Variants in FBXL7 observed in about 807,000 individuals in gnomAD.
FBXL7 encodes the protein F-box and leucine rich repeat protein 7.
FBXL7 carries 12 observed loss-of-function variants against 38.3 expected under a neutral mutation model. The ratio of observed to expected loss-of-function variants is 0.31; its 90% CI spans 0.20 to 0.51. FBXL7 has a LOEUF of 0.51. Among genes scored for constraint, FBXL7 ranks in the 20% least tolerant of loss-of-function variants. The probability of loss-of-function intolerance (pLI) is 0.98; values close to 1 mark genes in which losing one functional copy is unlikely to be tolerated. For missense variants in FBXL7, 567 were observed against 676.4 expected (o/e 0.84, Z 1.79); for synonymous variants, 297 against 300.9 (o/e 0.99, Z 0.13).
At chr5:15,704,484 C>T (rs974110732) in intron 2 of FBXL7, among the ~76,000 whole-genome samples, 2 of 152,150 alleles carry the variant, frequency 1.3e-5, no homozygotes, top group Non-Finnish European at 2.9e-5. Context: ...TACCATTCAA[C>T]TTAGGGATTC....
rs561000026 is a variant in FBXL7 at position 15,659,958 on chromosome 5, T to C, written c.127+43886T>C. Among the ~76,000 whole-genome samples, 30 of 152,380 alleles carry C rather than the reference T, an allele frequency of 2.0e-4. No individual in the cohort carries two copies. The South Asian group carries it at 6.2e-3, about 32-fold the overall frequency. ...CAGATATTTCTTTATCGTTTACATT[T>C]GGCACTTTTACTTTTGTAAACCAAA... is the stretch of plus-strand genomic sequence containing the variant. On this transcript the variant is annotated intron_variant, in intron 2 of 3. Transcript: ENST00000504595.
At chr5:15,807,309 A>T (rs1737740307) in intron 2 of FBXL7, among the ~76,000 whole-genome samples, 1 of 152,154 alleles carries the variant, frequency 6.6e-6, no homozygotes, top group Non-Finnish European at 1.5e-5. Context: ...CTACATGGTG[A>T]AATACACCAT....
intron 2 of FBXL7, among the ~76,000 whole-genome samples, chr5:15,681,773 T>G (rs1184972968): frequency 6.6e-6 from 1 of 152,212 alleles, no homozygotes; most frequent in Non-Finnish European, 1.5e-5. Context: ...TGGTTTTGAT[T>G]TTTTGTTTAT....
chr5:15,743,510 C>T (rs1483643187), intron 2 of FBXL7, among the ~76,000 whole-genome samples: 2 of 152,208 alleles, frequency 1.3e-5, no homozygotes, highest in African/African-American at 4.8e-5. Context: ...CAGCTCTGCC[C>T]CTGTGGCTTT....
intron 2 of FBXL7, among the ~76,000 whole-genome samples, chr5:15,733,644 G>A (rs139050627): frequency 1.3e-5 from 2 of 152,142 alleles, no homozygotes; most frequent in East Asian, 1.9e-4. Context: ...TAAATATAAC[G>A]TGATTAAAAT....
intron 2 of FBXL7, among the ~76,000 whole-genome samples, chr5:15,793,248 T>C (rs1255790286): frequency 6.6e-6 from 1 of 152,192 alleles, no homozygotes; most frequent in Non-Finnish European, 1.5e-5. Context: ...AGAAGTTTAT[T>C]CTTTCATGGT....
At chr5:15,582,202 G>C (rs954671392) in intron 1 of FBXL7, among the ~76,000 whole-genome samples, 1 of 152,184 alleles carries the variant, frequency 6.6e-6, no homozygotes, top group Non-Finnish European at 1.5e-5. Context: ...GCCTCCCAGA[G>C]TGCTGGGATT....
At position 15,854,630 on chromosome 5, in the gene FBXL7, G is replaced by A. The variant is rs546085920; in HGVS notation, c.128-73260G>A. ...TTAATTTGAAAATGCTTTTGAATTT[G>A]AACATATTAAGAGTATAATACTTCA... On this transcript the variant is annotated intron_variant, in intron 2 of 3. Coordinates refer to ENST00000504595, the MANE Select transcript of FBXL7 (RefSeq NM_012304.5). Among the ~76,000 whole-genome samples, 129 of 152,242 alleles carry A rather than the reference G, an allele frequency of 8.5e-4. 1 individual carries two copies. The highest frequency in any genetic ancestry group is 3.1e-3 in the African/African-American group (129 of 41,556).
chr5:15,525,810 C>T (rs1359543909), intron 1 of FBXL7, among the ~76,000 whole-genome samples: 4 of 152,258 alleles, frequency 2.6e-5, no homozygotes, highest in South Asian at 2.1e-4. Flanking sequence ...AGATTCCAGC[C>T]TATGGCATCT....
chr5:15,873,603 A>G (rs1740068524), intron 2 of FBXL7, among the ~76,000 whole-genome samples: 1 of 152,200 alleles, frequency 6.6e-6, no homozygotes, highest in African/African-American at 2.4e-5. Flanking sequence ...GATCCCGCAG[A>G]AATACAAAGT....
At chr5:15,572,570 G>T (rs1368916635) in intron 1 of FBXL7, among the ~76,000 whole-genome samples, 1 of 152,112 alleles carries the variant, frequency 6.6e-6, no homozygotes, top group African/African-American at 2.4e-5. Context: ...TGAAAAAGCA[G>T]GTTGTGTCTA....
intron 2 of FBXL7, among the ~76,000 whole-genome samples, chr5:15,814,451 A>C (rs902353345): frequency 2.6e-5 from 4 of 152,108 alleles, no homozygotes; most frequent in Non-Finnish European, 5.9e-5. Context: ...GGGGAGGGAT[A>C]GCATTAGGAG....
At chr5:15,742,109 T>C (rs1394562139) in intron 2 of FBXL7, among the ~76,000 whole-genome samples, 2 of 152,180 alleles carry the variant, frequency 1.3e-5, no homozygotes, top group African/African-American at 4.8e-5. Context: ...TTAGAGATGT[T>C]TTTATCCAAA....
chr5:15,837,179 A>G (rs916358888), intron 2 of FBXL7, among the ~76,000 whole-genome samples: 1 of 152,252 alleles, frequency 6.6e-6, no homozygotes, highest in Non-Finnish European at 1.5e-5. Context: ...TGAAAAGCCA[A>G]CATTAATTGA....
chr5:15,565,236 T>C (rs936193091), intron 1 of FBXL7, among the ~76,000 whole-genome samples: 1 of 152,082 alleles, frequency 6.6e-6, no homozygotes, highest in African/African-American at 2.4e-5. Context: ...AAAATATCCA[T>C]TGAAATCTAG....
intron 2 of FBXL7, among the ~76,000 whole-genome samples, chr5:15,754,104 G>T (rs141314842): frequency 1.3e-3 from 195 of 152,326 alleles, no homozygotes; most frequent in African/African-American, 4.2e-3. Flanking sequence ...CTGCAAATTT[G>T]CCTGTCTAAC....
intron 2 of FBXL7, among the ~76,000 whole-genome samples, chr5:15,651,217 C>G (rs1481077457): frequency 6.6e-6 from 1 of 151,776 alleles, no homozygotes; most frequent in Non-Finnish European, 1.5e-5. Flanking sequence ...CTGCCTCAGC[C>G]TCCTGAGTAG....
At chr5:15,764,113 G>T (rs1432628590) in intron 2 of FBXL7, among the ~76,000 whole-genome samples, 1 of 152,106 alleles carries the variant, frequency 6.6e-6, no homozygotes, top group Non-Finnish European at 1.5e-5. Context: ...CTATTTATCT[G>T]GGTATCTCCT....
At chr5:15,824,388 C>T (rs1738253242) in intron 2 of FBXL7, among the ~76,000 whole-genome samples, 1 of 151,808 alleles carries the variant, frequency 6.6e-6, no homozygotes, top group South Asian at 2.1e-4. Context: ...CTGACTGTGG[C>T]TTATTTTCTC....
Sources: gnomAD v4.1 joint callset for allele counts (sites outside exome capture counted in the v4.1 genomes callset) on GRCh38, gnomAD v4.1.1 for gene constraint, MANE v1.5 for transcripts, NCBI Gene and HGNC (gene_info 2026-07-23, HGNC 2026-07-21) for gene names.